EXOC4: variants seen among roughly 807,000 people sequenced by gnomAD.
The protein encoded by EXOC4 is exocyst complex component 4, also known as SEC8-like 1.
In EXOC4, 71 loss-of-function variants were observed where a neutral mutation model predicts 107.2. That is an observed-to-expected ratio of 0.66 (90% CI 0.55 to 0.81). The LOEUF (loss-of-function observed/expected upper bound fraction) is 0.81. Among genes scored for constraint, EXOC4 ranks in the 30% least tolerant of loss-of-function variants. EXOC4 has a pLI of 0.00. For synonymous variants in EXOC4, 456 were observed against 441.2 expected (o/e 1.03, Z -0.42); for missense variants, 1,108 against 1,189.6 (o/e 0.93, Z 1.01).
intron 7 of EXOC4, among the ~76,000 whole-genome samples, chr7:133,418,216 C>T (rs181942738): frequency 5.3e-5 from 8 of 152,294 alleles, no homozygotes; most frequent in Admixed American, 1.3e-4. Context: ...ATCCCAGACT[C>T]GACACTTTTT....
At chr7:133,719,770 T>G (rs1423918102) in intron 10 of EXOC4, among the ~76,000 whole-genome samples, 1 of 152,196 alleles carries the variant, frequency 6.6e-6, no homozygotes, top group Non-Finnish European at 1.5e-5. Context: ...AACAATACTT[T>G]CTCATTTCAA....
rs1799285675 is a variant in EXOC4 at position 133,895,504 on chromosome 7, G to A, written c.1735-95G>A. ...TGTCACATTCTTGCAGGAGAGCTCA[G>A]GTACCTTAAATTATGACATACTTGG... On this transcript the variant is annotated intron_variant, in intron 11 of 17. Coordinates refer to ENST00000253861, the MANE Select transcript of EXOC4 (RefSeq NM_021807.4). 4.7e-6 allele frequency: 6 copies of A among 1,279,512 alleles called. 1 individual carries two copies. In the South Asian group the frequency reaches 8.2e-5, roughly 18 times the overall value. 79.3% of individuals were successfully genotyped at this position (1,279,512 alleles called of 1,614,324 possible).
At chr7:133,632,308 G>A (rs775527789) in intron 10 of EXOC4, among the ~76,000 whole-genome samples, 4 of 152,074 alleles carry the variant, frequency 2.6e-5, no homozygotes, top group African/African-American at 4.8e-5. Flanking sequence ...GATTAAAACC[G>A]GAAAAAGTTT....
intron 11 of EXOC4, among the ~76,000 whole-genome samples, chr7:133,829,662 G>A (rs1427601649): frequency 1.3e-5 from 2 of 152,218 alleles, no homozygotes; most frequent in Admixed American, 1.3e-4. Context: ...GTTCCCTGCT[G>A]AGCCCTCAAA....
chr7:133,485,098 T>TAA (rs1563083528), intron 9 of EXOC4, among the ~76,000 whole-genome samples: 3 of 129,214 alleles, frequency 2.3e-5, no homozygotes, highest in African/African-American at 9.3e-5. Flanking sequence ...AATAAATAAA[T>TAA]AAATAAATAA....
At chr7:133,456,232 A>G (rs1034470411) in intron 7 of EXOC4, among the ~76,000 whole-genome samples, 25 of 152,166 alleles carry the variant, frequency 1.6e-4, no homozygotes, top group Non-Finnish European at 3.2e-4. Flanking sequence ...TCCTAGAATC[A>G]CTGTATTTAT....
chr7:133,804,812 T>G (rs537539426), intron 10 of EXOC4, among the ~76,000 whole-genome samples: 1 of 152,214 alleles, frequency 6.6e-6, no homozygotes, highest in Admixed American at 6.5e-5. Flanking sequence ...ATGTTTAACA[T>G]AGTACATGCA....
intron 9 of EXOC4, among the ~76,000 whole-genome samples, chr7:133,572,516 C>A (rs1344433589): frequency 6.6e-6 from 1 of 151,836 alleles, no homozygotes; most frequent in Non-Finnish European, 1.5e-5. Context: ...TTACTTTGAA[C>A]AATATAATTT....
At position 133,449,766 on chromosome 7, in the gene EXOC4, C is replaced by T. The variant is rs535958736; in HGVS notation, c.1183-25562C>T. ...GTGTGTGTACATCTCTTTTTACAAA[C>T]ATTATTTCTGTAATACTTGGATTGA... On this transcript the variant is annotated intron_variant, in intron 7 of 17. Coordinates refer to ENST00000253861, the MANE Select transcript of EXOC4 (RefSeq NM_021807.4). Among the ~76,000 whole-genome samples, 5 of 119,906 alleles carry T rather than the reference C, an allele frequency of 4.2e-5. No individual in the cohort carries two copies. In the East Asian group the frequency reaches 1.2e-3, roughly 29 times the overall value. 78.7% of individuals were successfully genotyped at this position (119,906 alleles called of 152,430 possible). A position where few individuals can be genotyped will look rare whatever the true frequency, so the allele number is the denominator to read the frequency against.
intron 6 of EXOC4, among the ~76,000 whole-genome samples, chr7:133,362,776 G>A (rs911072570): frequency 1.3e-5 from 2 of 152,066 alleles, no homozygotes; most frequent in African/African-American, 4.8e-5. Flanking sequence ...TTAGACCTGT[G>A]GCTAGATTCA....
At chr7:133,359,771 T>C (rs563358098) in intron 6 of EXOC4, among the ~76,000 whole-genome samples, 1 of 152,352 alleles carries the variant, frequency 6.6e-6, no homozygotes, top group African/African-American at 2.4e-5. Context: ...AACAAACTAG[T>C]GAATTCTTTC....
rs192603883 is a variant in EXOC4 at position 133,973,150 on chromosome 7, C to A, written c.2207-24342C>A. Among the ~76,000 whole-genome samples the A allele has an allele frequency of 2.3e-3, 353 of 152,196 alleles. 1 individual carries two copies. Among genetic ancestry groups the A allele is most frequent in the African/African-American group, 8.0e-3 (332 of 41,520 alleles). On this transcript the variant is annotated intron_variant, in intron 14 of 17. Coordinates refer to ENST00000253861, the MANE Select transcript of EXOC4 (RefSeq NM_021807.4). The stretch of plus-strand genomic sequence containing the variant: ...CTACAGGGACATGGATAAACAAGAC[C>A]CAGCCTCTGCCTACAGGGAGTTTAA...
At chr7:133,365,769 G>A (rs1164960496) in intron 6 of EXOC4, among the ~76,000 whole-genome samples, 5 of 152,134 alleles carry the variant, frequency 3.3e-5, no homozygotes, top group Non-Finnish European at 5.9e-5. Flanking sequence ...AAAAATAGTA[G>A]CTCAGCCAGG....
the EXOC4 span, among the ~76,000 whole-genome samples, chr7:134,073,230 A>C: frequency 0.017 from 317 of 18,428 alleles, 7 homozygotes; most frequent in Middle Eastern, 0.06. Flanking sequence ...AAAAAAAAAA[A>C]AACAACAAAG....
chr7:133,375,073 C>A, intron 7 of EXOC4, 71 bp downstream of exon 7: 1 of 1,259,840 alleles, frequency 7.9e-7, no homozygotes, highest in Non-Finnish European at 1.1e-6. Flanking sequence ...ACAACAGCAA[C>A]AACAAGCCAC....
chr7:133,603,353 C>A (rs969797040), intron 9 of EXOC4, among the ~76,000 whole-genome samples: 1 of 152,188 alleles, frequency 6.6e-6, no homozygotes, highest in Admixed American at 6.5e-5. Context: ...CATCTTCATG[C>A]AGATACCTAA....
chr7:133,269,940 A>G lies in EXOC4; in HGVS notation c.87-5042A>G, dbSNP rs2150517883. On this transcript the variant is annotated intron_variant, in intron 1 of 17. Coordinates refer to ENST00000253861, the MANE Select transcript of EXOC4 (RefSeq NM_021807.4). ...TTTATCTCTACAAAGAGGGATAAGT[A>G]TGGTACTGATATGGTTTGGCTGTGT... Among the ~76,000 whole-genome samples, 4 of 152,268 alleles carry G rather than the reference A, an allele frequency of 2.6e-5. No individual in the cohort carries two copies. The Middle Eastern group carries it at 0.01, about 388-fold the overall frequency.
intron 17 of EXOC4, among the ~76,000 whole-genome samples, chr7:134,052,202 G>A (rs1039052608): frequency 4.6e-5 from 7 of 152,192 alleles, no homozygotes; most frequent in Non-Finnish European, 7.3e-5. Flanking sequence ...GAAAAGACAC[G>A]AGGGGAGAGA....
At chr7:133,319,482 C>T (rs573634204) in intron 5 of EXOC4, among the ~76,000 whole-genome samples, 1 of 152,002 alleles carries the variant, frequency 6.6e-6, no homozygotes, top group East Asian at 1.9e-4. Flanking sequence ...ATGTATAAAC[C>T]TTTTATTTAT....
Sources: gnomAD v4.1 joint callset for allele counts (sites outside exome capture counted in the v4.1 genomes callset) on GRCh38, gnomAD v4.1.1 for gene constraint, MANE v1.5 for transcripts, NCBI Gene and HGNC (gene_info 2026-07-23, HGNC 2026-07-21) for gene names.